TLR10: variants seen among roughly 807,000 people sequenced by gnomAD.
The protein encoded by TLR10 is toll like receptor 10.
For synonymous variants in TLR10, 288 were observed against 338.8 expected (o/e 0.85, Z 1.65); for missense variants, 929 against 932.9 (o/e 1.00, Z 0.05).
Position 38,773,798 on chromosome 4 carries a change from C to G in TLR10, c.1793G>C (p.Cys598Ser), listed in dbSNP as rs745348415. 12 of 1,598,520 alleles carry G rather than the reference C, an allele frequency of 7.5e-6. No homozygotes were observed. The highest frequency in any genetic ancestry group is 3.4e-5 in the South Asian group (3 of 88,080). The change falls in exon 4 of 4, where the codon TGT (cysteine) becomes TCT (serine). Residue 598 changes from cysteine to serine, a missense_variant. Cys to Ser is a moderately radical substitution (Grantham distance 112). Coordinates refer to ENST00000308973, the MANE Select transcript of TLR10 (RefSeq NM_030956.4). Reference sequence around the variant, plus strand: ...ATACCAGGGCAGATCAAAGTGGAGACAGCAGAAGGCCACAGCCAACCCCAG... The same window carrying G: ...ATACCAGGGCAGATCAAAGTGGAGAGAGCAGAAGGCCACAGCCAACCCCAG... ...LVLGLAVAFC[C>S]LHFDLPWYLR...
chr4:38,782,597 A>G (rs1725477344), intron 1 of TLR10, among the ~76,000 whole-genome samples: 1 of 152,212 alleles, frequency 6.6e-6, no homozygotes, highest in Non-Finnish European at 1.5e-5. Flanking sequence ...GCAGAGGTTA[A>G]CATACGCTGT....
chr4:38,775,472 C>T lies in TLR10; in HGVS notation c.119G>A (p.Arg40Lys), dbSNP rs749409124. Residue 40 changes from arginine to lysine, a missense_variant, in exon 4 of 4, where the codon AGA becomes AAA. Transcript: ENST00000308973. ...TGGGGTCAAGTCTGCGGGAACCTTTCTTAGAGACATGTTGGAGCAGTTGGT... is the reference window on the plus strand; with the variant it reads ...TGGGGTCAAGTCTGCGGGAACCTTTTTTAGAGACATGTTGGAGCAGTTGGT... The part of the protein sequence containing the change: ...LMTNCSNMSL[R>K]KVPADLTPAT... 2.1e-5 allele frequency: 34 copies of T among 1,613,990 alleles called. No individual in the cohort carries two copies. Among genetic ancestry groups the T allele is most frequent in the Admixed American group, 5.0e-5 (3 of 59,990 alleles).
At chr4:38,776,738 TAGCAGTGAACAGAAG>T (rs11266959) in intron 1 of TLR10, among the ~76,000 whole-genome samples, 14,478 of 152,224 alleles carry the variant, frequency 0.095, 1,182 homozygotes, top group African/African-American at 0.2. Flanking sequence ...ACTGGGGAAG[TAGCAGTGAACAGAAG>T]AGATTTCTGT....
Position 38,774,608 on chromosome 4 carries a change from A to G in TLR10, c.983T>C (p.Ile328Thr), listed in dbSNP as rs1724908548. The G allele has an allele frequency of 1.3e-6, 2 of 1,592,936 alleles. No homozygotes were observed. The highest frequency in any genetic ancestry group is 1.7e-6 in the Non-Finnish European group (2 of 1,172,842). The change falls in exon 4 of 4, where the codon ATA becomes ACA. Residue 328 changes from isoleucine to threonine, a missense_variant. Ile to Thr is a moderately conservative substitution (Grantham distance 89). Transcript: ENST00000308973. ...TGCATTTGATATTGTCAGGTTTTCT[A>G]TGTCCATTTTGGTCAAAAGCAAATA... is the stretch of plus-strand genomic sequence containing the variant. ...KIYLLLTKMD[I>T]ENLTISNAQM...
chr4:38,780,312 G>T (rs1725319147), intron 1 of TLR10, among the ~76,000 whole-genome samples: 1 of 151,438 alleles, frequency 6.6e-6, no homozygotes, highest in Admixed American at 6.6e-5. Flanking sequence ...GCTGAGGCAG[G>T]ATAATCACTT....
chr4:38,778,056 C>T (rs1479960870), intron 1 of TLR10, among the ~76,000 whole-genome samples: 1 of 152,152 alleles, frequency 6.6e-6, no homozygotes, highest in African/African-American at 2.4e-5. Context: ...ACCCAAATGC[C>T]CATCAATGAT....
intron 1 of TLR10, among the ~76,000 whole-genome samples, chr4:38,778,592 G>T (rs1343077036): frequency 6.6e-6 from 1 of 152,128 alleles, no homozygotes; most frequent in East Asian, 1.9e-4. Context: ...GAGAGAAGTG[G>T]TTAGATTCTA....
In TLR10 at chr4:38,773,593, G is replaced by A. The variant is rs1724790779; in HGVS notation, c.1998C>T (p.Cys666=). The A allele has an allele frequency of 6.2e-7, 1 of 1,602,068 alleles. No homozygotes were observed. Among genetic ancestry groups the A allele is most frequent in the Non-Finnish European group, 8.5e-7 (1 of 1,174,666 alleles). The change falls in exon 4 of 4, where the codon TGC becomes TGT. Residue 666 remains cysteine (C), a synonymous_variant. Transcript: ENST00000308973. ...LEKEDGSILI[C]LYESYFDPGK... ...CAGGGTCAAAGTAGCTTTCATAAAGGCAAATCAAGATAGAACCATCTTCCT... is the reference window on the plus strand; with the variant it reads ...CAGGGTCAAAGTAGCTTTCATAAAGACAAATCAAGATAGAACCATCTTCCT...
rs780290739 is a variant in TLR10, at chr4:38,773,640, C to T, written c.1951G>A (p.Glu651Lys). Reference sequence around the variant, plus strand: ...TCCTTCTCTAGATTGGGGATCAATTCATTCTTCACCCACAGAGAATCATGT... The same window carrying T: ...TCCTTCTCTAGATTGGGGATCAATTTATTCTTCACCCACAGAGAATCATGT... Reference protein sequence around the residue: ...SEHDSLWVKNELIPNLEKEDG... With the variant: ...SEHDSLWVKNKLIPNLEKEDG... The change falls in exon 4 of 4, where the codon GAA becomes AAA. Residue 651 changes from glutamate (E) to lysine (K), a missense_variant. By Grantham distance (56) the Glu-to-Lys change is moderately conservative (BLOSUM62 1). Transcript: ENST00000308973. 3.7e-6 allele frequency: 6 copies of T among 1,604,240 alleles called. No homozygotes were observed. In the South Asian group the frequency reaches 6.7e-5, roughly 18 times the overall value.
rs903992887 is a variant in TLR10, at chr4:38,774,773, T to C, written c.818A>G (p.His273Arg). 8 of 1,602,070 alleles carry C rather than the reference T, an allele frequency of 5.0e-6. No homozygotes were observed. In the African/African-American group the frequency reaches 5.4e-5, roughly 11 times the overall value. The change falls in exon 4 of 4, where the codon CAC (histidine) becomes CGC (arginine). Residue 273 changes from histidine to arginine, a missense_variant. Coordinates refer to ENST00000308973, the MANE Select transcript of TLR10 (RefSeq NM_030956.4). ...AAAAGTCACATTTCGGATCTGAAAGTGTTCCACTGATGTATGCCAAACAAA... is the reference window on the plus strand; with the variant it reads ...AAAAGTCACATTTCGGATCTGAAAGCGTTCCACTGATGTATGCCAAACAAA... ...LQFVWHTSVE[H>R]FQIRNVTFGG...
intron 1 of TLR10, among the ~76,000 whole-genome samples, chr4:38,777,939 C>T (rs1725158391): frequency 6.6e-6 from 1 of 152,114 alleles, no homozygotes. Context: ...TCCTGCAATG[C>T]CATTACTGGG....
Position 38,774,377 on chromosome 4 carries a change from C to G in TLR10, c.1214G>C (p.Ser405Thr). 2 of 1,613,082 alleles carry G rather than the reference C, an allele frequency of 1.2e-6. No homozygotes were observed. ...NNTPLEHLDL[S>T]QNLLQHKNDE... ...ATTTTTATGTTGTAATAGATTTTGACTCAGATCCAAGTGTTCCAAGGGTGT... is the reference window on the plus strand; with the variant it reads ...ATTTTTATGTTGTAATAGATTTTGAGTCAGATCCAAGTGTTCCAAGGGTGT... The change falls in exon 4 of 4, where the codon AGT becomes ACT. Residue 405 changes from serine to threonine, a missense_variant. By Grantham distance (58) the Ser-to-Thr change is moderately conservative. Transcript: ENST00000308973.
chr4:38,774,833 T>G lies in TLR10; in HGVS notation c.758A>C (p.Asp253Ala). The G allele has an allele frequency of 6.3e-7, 1 of 1,594,690 alleles. No homozygotes were observed. Among genetic ancestry groups the G allele is most frequent in the Non-Finnish European group, 8.5e-7 (1 of 1,171,762 alleles). Residue 253 changes from aspartate (D) to alanine (A), a missense_variant, in exon 4 of 4, where the codon GAT becomes GCT. Physicochemically the swap from Asp to Ala is moderately radical, Grantham distance 126. Coordinates refer to ENST00000308973, the MANE Select transcript of TLR10 (RefSeq NM_030956.4). ...AAGGAAAAGGTCGTCCCAGAGTAAA[T>G]CAACTTTATTAAGCAATAGAACCGA... Reference protein sequence around the residue: ...KTSVLLLNKVDLLWDDLFLIL... With the variant: ...KTSVLLLNKVALLWDDLFLIL...
At chr4:38,779,365 C>T (rs1368009140) in intron 1 of TLR10, among the ~76,000 whole-genome samples, 3 of 152,108 alleles carry the variant, frequency 2.0e-5, no homozygotes, top group East Asian at 1.9e-4. Context: ...CTTTTAAAAA[C>T]GTGGTCAAAT....
intron 1 of TLR10, chr4:38,779,055 T>C (rs935431025): frequency 5.3e-5 from 8 of 152,134 alleles, no homozygotes; most frequent in African/African-American, 1.9e-4. Context: ...AGAAAACCTA[T>C]GGAGAGTAGG....
chr4:38,773,041 G>T lies in TLR10; in HGVS notation c.*114C>A. 1 of 1,042,830 alleles carries T rather than the reference G, an allele frequency of 9.6e-7. No individual in the cohort carries two copies. 64.6% of individuals were successfully genotyped at this position (1,042,830 alleles called of 1,614,324 possible). On this transcript the variant is annotated 3_prime_UTR_variant, in exon 4 of 4. Coordinates refer to ENST00000308973, the MANE Select transcript of TLR10 (RefSeq NM_030956.4). ...AAATCCTTCTAGAAACTGATATGAA[G>T]GGAATAACCATTTTTTATTTTAATA...
rs775257086 is a variant in TLR10 at position 38,774,944 on chromosome 4, A to G, written c.647T>C (p.Ile216Thr). Residue 216 changes from isoleucine (I) to threonine (T), a missense_variant, in exon 4 of 4, where the codon ATA (isoleucine) becomes ACA (threonine). Ile to Thr is a moderately conservative substitution (Grantham distance 89). Coordinates refer to ENST00000308973, the MANE Select transcript of TLR10 (RefSeq NM_030956.4). ...GCCATCTATATTTGTCATTTCTAAT[A>G]TTTTTGAAGTCTTGATTCCATCACG... ...LLRDGIKTSK[I>T]LEMTNIDGKS... is the part of the protein sequence containing the mutation. 1.2e-6 allele frequency: 2 copies of G among 1,612,830 alleles called. No individual in the cohort carries two copies. The highest frequency in any genetic ancestry group is 1.7e-5 in the Admixed American group (1 of 59,726).
Position 38,774,627 on chromosome 4 carries a change from G to A in TLR10, c.964C>T (p.Leu322Phe). 1 of 1,581,746 alleles carries A rather than the reference G, an allele frequency of 6.3e-7. No homozygotes were observed. Among genetic ancestry groups the A allele is most frequent in the Non-Finnish European group, 8.6e-7 (1 of 1,168,544 alleles). ...TTTTCTATGTCCATTTTGGTCAAAA[G>A]CAAATAGATTTTATCCTGTTGAATG... Reference protein sequence around the residue: ...FYIQQDKIYLLLTKMDIENLT... With the variant: ...FYIQQDKIYLFLTKMDIENLT... Residue 322 changes from leucine (L) to phenylalanine (F), a missense_variant, in exon 4 of 4, where the codon CTT (leucine) becomes TTT (phenylalanine). By Grantham distance (22) the Leu-to-Phe change is conservative. Coordinates refer to ENST00000308973, the MANE Select transcript of TLR10 (RefSeq NM_030956.4).
Position 38,773,027 on chromosome 4 carries a change from G to A in TLR10, c.*128C>T. 1.1e-6 allele frequency: 1 copy of A among 889,808 alleles called. No individual in the cohort carries two copies. The allele number at this position is 889,808 out of a possible 1,614,324, so 55.1% of individuals were successfully genotyped here. A position where few individuals can be genotyped will look rare whatever the true frequency, so the allele number is the denominator to read the frequency against. ...GGATACATTCTTAGAAATCCTTCTA[G>A]AAACTGATATGAAGGGAATAACCAT... On this transcript the variant is annotated 3_prime_UTR_variant, in exon 4 of 4. Transcript: ENST00000308973.
Sources: gnomAD v4.1 joint callset for allele counts (sites outside exome capture counted in the v4.1 genomes callset) on GRCh38, gnomAD v4.1.1 for gene constraint, MANE v1.5 for transcripts, NCBI Gene and HGNC (gene_info 2026-07-23, HGNC 2026-07-21) for gene names.